XPR1: variants seen among roughly 807,000 people sequenced by gnomAD.
The protein encoded by XPR1 is xenotropic and polytropic retrovirus receptor 1, also known as solute carrier family 53 member 1.
XPR1 carries 28 observed loss-of-function variants against 87.5 expected under a neutral mutation model. The ratio of observed to expected loss-of-function variants is 0.32; its 90% CI spans 0.24 to 0.44. The LOEUF is 0.44. XPR1 is among the 20% of genes least tolerant of loss of function. The pLI is 1.00. For missense variants in XPR1, 559 were observed against 862.3 expected (o/e 0.65, Z 4.41); for synonymous variants, 300 against 306.1 (o/e 0.98, Z 0.21).
intron 2 of XPR1, among the ~76,000 whole-genome samples, chr1:180,706,845 C>T (rs751741153): frequency 6.6e-6 from 1 of 152,060 alleles, no homozygotes; most frequent in Non-Finnish European, 1.5e-5. Flanking sequence ...GTCTCGAACT[C>T]CTGACCTCGT....
intron 11 of XPR1, among the ~76,000 whole-genome samples, chr1:180,842,534 T>G (rs1448978580): frequency 6.6e-6 from 1 of 152,218 alleles, no homozygotes; most frequent in African/African-American, 2.4e-5. Flanking sequence ...ATTTAGCTAG[T>G]AGCCAGTCTC....
intron 11 of XPR1, among the ~76,000 whole-genome samples, chr1:180,845,113 A>T (rs1050735802): frequency 1.2e-4 from 18 of 152,174 alleles, no homozygotes; most frequent in Admixed American, 2.6e-4. Context: ...AACATGAAAA[A>T]TTTTCCACTT....
At chr1:180,830,572 A>T (rs1651022239) in intron 9 of XPR1, among the ~76,000 whole-genome samples, 1 of 152,196 alleles carries the variant, frequency 6.6e-6, no homozygotes, top group Non-Finnish European at 1.5e-5. Flanking sequence ...TCCCAAGTAG[A>T]ATATGTCTAT....
At chr1:180,638,273 A>G (rs571161250) in intron 1 of XPR1, among the ~76,000 whole-genome samples, 42 of 152,312 alleles carry the variant, frequency 2.8e-4, no homozygotes, top group Admixed American at 5.9e-4. Context: ...ACAGATACAG[A>G]TGGGTATAAT....
chr1:180,853,014 T>C (rs904421109), intron 11 of XPR1, among the ~76,000 whole-genome samples: 20 of 152,184 alleles, frequency 1.3e-4, no homozygotes, highest in African/African-American at 4.8e-4. Context: ...TACTGCAGCC[T>C]CCACCCGTTG....
intron 1 of XPR1, among the ~76,000 whole-genome samples, chr1:180,664,142 C>G (rs1170589780): frequency 6.6e-6 from 1 of 152,190 alleles, no homozygotes; most frequent in Non-Finnish European, 1.5e-5. Flanking sequence ...TGTCGATGAG[C>G]TGGTACCTAA....
At chr1:180,716,415 C>G (rs1267665597) in intron 2 of XPR1, among the ~76,000 whole-genome samples, 3 of 152,108 alleles carry the variant, frequency 2.0e-5, no homozygotes, top group Non-Finnish European at 2.9e-5. Flanking sequence ...AATTTTCAAG[C>G]CTGTCTGATC....
intron 2 of XPR1, among the ~76,000 whole-genome samples, chr1:180,741,042 T>C (rs1443050717): frequency 1.3e-5 from 2 of 152,222 alleles, no homozygotes; most frequent in Non-Finnish European, 2.9e-5. Context: ...TCAATGTATT[T>C]ATGAATTTTA....
chr1:180,815,021 A>G (rs1210811634), intron 7 of XPR1, among the ~76,000 whole-genome samples: 2 of 152,154 alleles, frequency 1.3e-5, no homozygotes, highest in Non-Finnish European at 2.9e-5. Context: ...CATAGGGATC[A>G]GATAAGAAGT....
At chr1:180,843,376 C>G (rs1384188954) in intron 11 of XPR1, among the ~76,000 whole-genome samples, 2 of 152,026 alleles carry the variant, frequency 1.3e-5, no homozygotes, top group East Asian at 3.9e-4. Context: ...AAATTTTTAA[C>G]TCTTTCAAAA....
At chr1:180,837,730 T>C (rs955281739) in intron 11 of XPR1, among the ~76,000 whole-genome samples, 1 of 152,182 alleles carries the variant, frequency 6.6e-6, no homozygotes, top group African/African-American at 2.4e-5. Context: ...AATTTAAGTA[T>C]GTCAGTGAAG....
intron 1 of XPR1, among the ~76,000 whole-genome samples, chr1:180,664,628 A>G (rs1294698089): frequency 6.6e-6 from 1 of 151,980 alleles, no homozygotes; most frequent in East Asian, 1.9e-4. Flanking sequence ...TGACATGAGC[A>G]CCCCCTTAGT....
In XPR1 at chr1:180,835,036, A is replaced by G. The variant is rs898596987; in HGVS notation, c.1297A>G (p.Asn433Asp). 7 of 1,613,674 alleles carry G rather than the reference A, an allele frequency of 4.3e-6. No individual in the cohort carries two copies. The highest frequency in any genetic ancestry group is 4.0e-5 in the African/African-American group (3 of 74,926). The part of the protein sequence containing the change: ...WDESKGLLPN[N>D]SEESGICHKY... ...TGAAAGTAAGGGCCTGTTGCCAAATAATTCAGAAGGTAGGGTATGAATTTG... is the reference window on the plus strand; with the variant it reads ...TGAAAGTAAGGGCCTGTTGCCAAATGATTCAGAAGGTAGGGTATGAATTTG... Residue 433 changes from asparagine (N) to aspartate (D), a missense_variant, in exon 10 of 15, where the codon AAT becomes GAT. Asn to Asp is a conservative substitution (Grantham distance 23, BLOSUM62 1). This residue lies in a region of XPR1 where 264 missense variants were observed against 377.2 expected (regional missense o/e 0.70). Transcript: ENST00000367590.
chr1:180,721,447 A>G (rs746779397), intron 2 of XPR1, among the ~76,000 whole-genome samples: 3 of 152,196 alleles, frequency 2.0e-5, no homozygotes, highest in Non-Finnish European at 2.9e-5. Context: ...GACATAAAAT[A>G]TTAAAGTAAG....
intron 2 of XPR1, among the ~76,000 whole-genome samples, chr1:180,768,318 G>A (rs578193396): frequency 1.1e-4 from 16 of 152,048 alleles, no homozygotes; most frequent in South Asian, 4.2e-4. Context: ...ATTCATAGAC[G>A]ATTTATAGGT....
chr1:180,745,959 C>G (rs1027306330), intron 2 of XPR1, among the ~76,000 whole-genome samples: 1 of 152,184 alleles, frequency 6.6e-6, no homozygotes, highest in African/African-American at 2.4e-5. Flanking sequence ...TAGAACAACA[C>G]AAATTTATCA....
chr1:180,791,172 A>G (rs1012317278), intron 3 of XPR1, among the ~76,000 whole-genome samples: 9 of 152,270 alleles, frequency 5.9e-5, no homozygotes, highest in African/African-American at 2.2e-4. Flanking sequence ...AAGGATCTCT[A>G]AGCTCAATTC....
chr1:180,833,294 G>A (rs1323818010), intron 9 of XPR1, among the ~76,000 whole-genome samples: 2 of 152,150 alleles, frequency 1.3e-5, no homozygotes, highest in Non-Finnish European at 2.9e-5. Flanking sequence ...ACTAGGTAGT[G>A]TCATAATGAC....
intron 2 of XPR1, among the ~76,000 whole-genome samples, chr1:180,701,703 C>T (rs1657336784): frequency 7.2e-6 from 1 of 138,716 alleles, no homozygotes; most frequent in African/African-American, 3.0e-5. Context: ...CTCTGCCCGG[C>T]TTTGGTATCA....
Sources: allele counts gnomAD v4.1 joint callset (sites outside exome capture counted in the v4.1 genomes callset), GRCh38; gene constraint gnomAD v4.1.1; regional missense constraint gnomAD v4.1.1; transcripts MANE v1.5; gene names NCBI Gene and HGNC (gene_info 2026-07-23, HGNC 2026-07-21).